LZTFL1: variants seen among roughly 807,000 people sequenced by gnomAD.
The protein encoded by LZTFL1 is leucine zipper transcription factor like 1.
A neutral mutation model predicts 45.9 loss-of-function variants in LZTFL1; 25 were observed. The ratio of observed to expected loss-of-function variants is 0.54; its 90% CI spans 0.40 to 0.76. LZTFL1 has a LOEUF of 0.76. Among genes scored for constraint, LZTFL1 ranks in the 30% least tolerant of loss-of-function variants. The pLI, the probability that LZTFL1 is intolerant of heterozygous loss-of-function variation, is 0.00. For synonymous variants in LZTFL1, 93 were observed against 117.4 expected, an observed-to-expected ratio of 0.79 and a Z score of 1.35; for missense variants, 277 against 331.1, an observed-to-expected ratio of 0.84 and a Z score of 1.27.
chr3:45,842,158 T>C, upstream of LZTFL1: 2 of 1,493,190 alleles, frequency 1.3e-6, no homozygotes, highest in Admixed American at 4.2e-5. Context: ...ACTGCAATTA[T>C]GCATTTTCAT....
At chr3:45,910,459 C>T (rs985511927) in intron 2 of LZTFL1, among the ~76,000 whole-genome samples, 1 of 152,040 alleles carries the variant, frequency 6.6e-6, no homozygotes, top group African/African-American at 2.4e-5. Flanking sequence ...GGATGCTACC[C>T]GGAAGATGGT....
chr3:45,832,226 A>C (rs550609019), intron 5 of LZTFL1, among the ~76,000 whole-genome samples: 15 of 152,272 alleles, frequency 9.9e-5, no homozygotes, highest in African/African-American at 3.6e-4. Context: ...GTCTCAAAAA[A>C]ACAAACCAAC....
intron 4 of LZTFL1, among the ~76,000 whole-genome samples, chr3:45,852,733 T>A (rs573101443): frequency 2.6e-5 from 4 of 152,328 alleles, no homozygotes; most frequent in African/African-American, 9.6e-5. Context: ...TGAATTTATT[T>A]CTTAAGCAGA....
At chr3:45,873,932 G>A (rs532196718) in intron 2 of LZTFL1, among the ~76,000 whole-genome samples, 1 of 152,134 alleles carries the variant, frequency 6.6e-6, no homozygotes, top group African/African-American at 2.4e-5. Flanking sequence ...CATCAGTAGT[G>A]ATGGCTCCCT....
At chr3:45,887,701 C>T (rs1206748842) in intron 2 of LZTFL1, among the ~76,000 whole-genome samples, 2 of 152,202 alleles carry the variant, frequency 1.3e-5, no homozygotes, top group African/African-American at 4.8e-5. Context: ...CTTCCAATAT[C>T]TGCTTATCTG....
At chr3:45,842,197 AT>A, upstream of LZTFL1, 4 of 1,440,162 alleles carry the variant, frequency 2.8e-6, no homozygotes, top group Non-Finnish European at 3.7e-6. Flanking sequence ...GACAGGAAGT[AT>A]TGCGTAACCG....
chr3:45,912,689 C>T (rs775777518), intron 2 of LZTFL1, among the ~76,000 whole-genome samples: 3 of 152,194 alleles, frequency 2.0e-5, no homozygotes, highest in East Asian at 1.9e-4. Context: ...ACCCCAGCCA[C>T]GATTAGCCAA....
chr3:45,875,913 T>C (rs1171331819), intron 2 of LZTFL1, among the ~76,000 whole-genome samples: 4 of 152,280 alleles, frequency 2.6e-5, no homozygotes, highest in Admixed American at 1.3e-4. Flanking sequence ...ATGTGACTTA[T>C]AGAAAGGAAG....
At chr3:45,887,790 G>A (rs928736062) in intron 2 of LZTFL1, among the ~76,000 whole-genome samples, 10 of 152,234 alleles carry the variant, frequency 6.6e-5, no homozygotes, top group East Asian at 1.9e-4. Flanking sequence ...CCTGCTGGGC[G>A]GTTGGCAGGC....
Position 45,826,232 on chromosome 3 carries a change from C to T in LZTFL1, c.*82G>A, listed in dbSNP as rs1337163959. On this transcript the variant is annotated 3_prime_UTR_variant, in exon 10 of 10. Transcript: ENST00000296135. ...AGAAAAATAAGGAGAGGGGATATGA[C>T]AAAATGCTTTTCAAAATACATGCCT... 1 of 1,242,730 alleles carries T rather than the reference C, an allele frequency of 8.0e-7. No individual in the cohort carries two copies. Among genetic ancestry groups the T allele is most frequent in the Non-Finnish European group, 1.2e-6 (1 of 853,790 alleles). The allele number at this position is 1,242,730 out of a possible 1,614,324, so 77.0% of individuals were successfully genotyped here.
chr3:45,880,716 C>T (rs1242246994), intron 2 of LZTFL1, among the ~76,000 whole-genome samples: 2 of 152,172 alleles, frequency 1.3e-5, no homozygotes, highest in Middle Eastern at 3.4e-3. Context: ...GCCAACTGTT[C>T]CCTCTGCTGA....
chr3:45,908,607 G>A (rs1269389062), intron 2 of LZTFL1, among the ~76,000 whole-genome samples: 2 of 152,138 alleles, frequency 1.3e-5, no homozygotes, highest in South Asian at 4.1e-4. Flanking sequence ...GCTGAAGAAT[G>A]GACAGGAATG....
At chr3:45,868,658 G>A (rs552893906) in intron 2 of LZTFL1, among the ~76,000 whole-genome samples, 3 of 152,160 alleles carry the variant, frequency 2.0e-5, no homozygotes, top group South Asian at 2.1e-4. Flanking sequence ...TCAGTGGTAG[G>A]GGGGGTAAAC....
chr3:45,826,474 T>C (rs1700667124), intron 9 of LZTFL1, 142 bp from the exon 10 acceptor site: 2 of 713,970 alleles, frequency 2.8e-6, no homozygotes, highest in South Asian at 3.4e-5. Flanking sequence ...AACTTTGTTT[T>C]GATGGTGACT....
intron 2 of LZTFL1, chr3:45,902,032 C>T: frequency 1.3e-6 from 1 of 768,330 alleles, no homozygotes; most frequent in East Asian, 2.7e-5. Flanking sequence ...TATATGATTA[C>T]TTGTAGTCAG....
In LZTFL1 at chr3:45,901,204, G is replaced by A; in HGVS notation, c.-215+11916C>T. ...TACAGCTGTGTGTTGCTGATCATGT[G>A]CATCAGCGTGGACAGGTACATTGCC... On this transcript the variant is annotated intron_variant, in intron 2 of 4. Transcript: ENST00000472635. The surrounding 1 kb of genome is among the most constrained non-coding windows in gnomAD (Gnocchi z 4.3). The A allele has an allele frequency of 6.2e-7, 1 of 1,613,996 alleles. No homozygotes were observed. Among genetic ancestry groups the A allele is most frequent in the South Asian group, 1.1e-5 (1 of 91,086 alleles).
At chr3:45,863,130 G>C (rs976755183) in intron 2 of LZTFL1, among the ~76,000 whole-genome samples, 4 of 152,166 alleles carry the variant, frequency 2.6e-5, no homozygotes, top group African/African-American at 9.7e-5. Context: ...ACTCATTCGA[G>C]GCAGCTAATA....
chr3:45,896,977 C>T (rs1702375905), intron 2 of LZTFL1, among the ~76,000 whole-genome samples: 1 of 152,222 alleles, frequency 6.6e-6, no homozygotes, highest in Admixed American at 6.5e-5. Context: ...GCTCTGGGAC[C>T]TTCTTCCTGC....
intron 2 of LZTFL1, among the ~76,000 whole-genome samples, chr3:45,868,190 T>TAC (rs1553614937): frequency 6.8e-6 from 1 of 146,888 alleles, no homozygotes; most frequent in Non-Finnish European, 1.5e-5. Context: ...TATATATATA[T>TAC]AAATTTTTAA....
Sources: gnomAD v4.1 joint callset for allele counts (sites outside exome capture counted in the v4.1 genomes callset) on GRCh38, gnomAD v4.1.1 for gene constraint, Gnocchi (gnomAD v3.1) non-coding constraint, MANE v1.5 for transcripts, NCBI Gene and HGNC (gene_info 2026-07-23, HGNC 2026-07-21) for gene names.